RIMBP2: variants seen among roughly 807,000 people sequenced by gnomAD.
The protein encoded by RIMBP2 is RIMS binding protein 2.
RIMBP2 carries 48 observed loss-of-function variants against 118.6 expected under a neutral mutation model. The observed-to-expected ratio is 0.40, with a 90% CI of 0.32 to 0.51. The LOEUF (loss-of-function observed/expected upper bound fraction) is 0.51. Ranked by LOEUF, RIMBP2 falls within the 20% of genes least tolerant of loss-of-function variation. The pLI is 0.41. For missense variants in RIMBP2, 1,551 were observed against 1,768.3 expected (o/e 0.88, Z 2.20); for synonymous variants, 762 against 742.9 (o/e 1.03, Z -0.42).
chr12:130,609,431 G>T (rs962001868), intron 2 of RIMBP2, among the ~76,000 whole-genome samples: 7 of 150,774 alleles, frequency 4.6e-5, no homozygotes, highest in Non-Finnish European at 1.5e-5. Flanking sequence ...TGGTGATATG[G>T]TCAGAGGGAC....
chr12:130,424,766 G>C lies in RIMBP2; in HGVS notation c.2505C>G (p.Pro835=). 8.1e-7 allele frequency: 1 copy of C among 1,232,664 alleles called. No homozygotes were observed. Among genetic ancestry groups the C allele is most frequent in the Non-Finnish European group, 1.0e-6 (1 of 988,396 alleles). 76.4% of individuals were successfully genotyped at this position (1,232,664 alleles called of 1,614,324 possible). ...QPHRKRLFSI[P]EVAEEDGECC... is the part of the protein sequence containing the mutation. ...ACTCTCCGTCCTCTTCCGCTACTTC[G>C]GGGATACTGAAAAGTCTCTTCCTGT... Residue 835 remains proline, a synonymous_variant, in exon 16 of 23, where the codon CCC becomes CCG. Transcript: ENST00000690449. This position sits in a 1 kb window ranked among gnomAD's most constrained non-coding sequence, Gnocchi z 9.8.
At chr12:130,439,461 G>GTATT in intron 11 of RIMBP2, among the ~76,000 whole-genome samples, 1 of 143,558 alleles carries the variant, frequency 7.0e-6, no homozygotes, top group South Asian at 2.3e-4. Context: ...GTGTGTGGGT[G>GTATT]TGTATGTATT....
intron 17 of RIMBP2, among the ~76,000 whole-genome samples, chr12:130,421,502 C>T (rs542078650): frequency 2.6e-5 from 4 of 152,246 alleles, no homozygotes; most frequent in Non-Finnish European, 4.4e-5. Context: ...TTTATGAAGC[C>T]TTTCTTCATT....
In RIMBP2 at chr12:130,566,024, G is replaced by A. The variant is rs553375564; in HGVS notation, c.-216-48107C>T. On this transcript the variant is annotated intron_variant, in intron 2 of 22. Transcript: ENST00000690449. ...TATCAGTTCCTAACGAGAACTATGC[G>A]ATGGAACTTGTCATTGATAAAGAGG... Among the ~76,000 whole-genome samples the A allele has an allele frequency of 3.3e-5, 5 of 152,310 alleles. No homozygotes were observed. The East Asian group carries it at 5.8e-4, about 18-fold the overall frequency.
chr12:130,710,380 G>A lies in RIMBP2; in HGVS notation c.-352+5842C>T, dbSNP rs1460062970. Among the ~76,000 whole-genome samples the A allele has an allele frequency of 6.6e-6, 1 of 151,956 alleles. No homozygotes were observed. The highest frequency in any genetic ancestry group is 1.5e-5 in the Non-Finnish European group (1 of 67,988). On this transcript the variant is annotated intron_variant, in intron 1 of 22. Transcript: ENST00000690449. The surrounding 1 kb of genome is among the most constrained non-coding windows in gnomAD (Gnocchi z 4.3). ...GCACTCCATCAGGGCAGCTGTCTCT[G>A]GTGTAGTGATTATTCATTCACTTGC...
intron 4 of RIMBP2, among the ~76,000 whole-genome samples, chr12:130,491,566 G>C (rs2048643467): frequency 6.6e-6 from 1 of 152,178 alleles, no homozygotes; most frequent in Non-Finnish European, 1.5e-5. Context: ...CTGCACTTCT[G>C]GGGGGCAATC....
At position 130,475,629 on chromosome 12, in the gene RIMBP2, G is replaced by T. The variant is rs185271073; in HGVS notation, c.102+3283C>A. The stretch of plus-strand genomic sequence containing the variant: ...GGGCTCCAGGCGGGCGTCTCCAAGG[G>T]GAAAATGGAATCAGAAGCCCCCCAG... On this transcript the variant is annotated intron_variant, in intron 5 of 22. Transcript: ENST00000690449. The surrounding 1 kb of genome is among the most constrained non-coding windows in gnomAD (Gnocchi z 4.1). 2.4e-3 allele frequency among the ~76,000 whole-genome samples: 365 copies of T among 152,126 alleles called. 4 individuals are homozygous for T. The highest frequency in any genetic ancestry group is 8.0e-3 in the African/African-American group (333 of 41,480).
Position 130,688,907 on chromosome 12 carries a change from C to T in RIMBP2, c.-352+27315G>A, listed in dbSNP as rs1003039010. Among the ~76,000 whole-genome samples, 2 of 152,242 alleles carry T rather than the reference C, an allele frequency of 1.3e-5. No individual in the cohort carries two copies. The highest frequency in any genetic ancestry group is 4.8e-5 in the African/African-American group (2 of 41,466). On this transcript the variant is annotated intron_variant, in intron 1 of 22. Transcript: ENST00000690449. The surrounding 1 kb of genome is among the most constrained non-coding windows in gnomAD (Gnocchi z 4.7). ...CTGAGGCAGCCCACCCCACTCTTGC[C>T]CAGCAGAACTGGAGCGAAGGTCGGT... is the stretch of plus-strand genomic sequence containing the variant.
At chr12:130,430,715 C>T (rs1025118899) in intron 14 of RIMBP2, 2 of 146,992 alleles carry the variant, frequency 1.4e-5, no homozygotes, top group Non-Finnish European at 3.0e-5. Context: ...ACTGCAACCT[C>T]CACCTCCCAG....
At chr12:130,569,054 T>C (rs753264102) in intron 2 of RIMBP2, among the ~76,000 whole-genome samples, 2 of 150,700 alleles carry the variant, frequency 1.3e-5, no homozygotes, top group African/African-American at 2.4e-5. Flanking sequence ...TCCTCATGTA[T>C]TTTATGACTG....
chr12:130,691,891 G>A (rs757253526), intron 1 of RIMBP2, among the ~76,000 whole-genome samples: 1 of 152,188 alleles, frequency 6.6e-6, no homozygotes, highest in African/African-American at 2.4e-5. Context: ...TGGAGGCCCT[G>A]GGTGGTTAGA....
chr12:130,440,690 C>T (rs2078045643), intron 11 of RIMBP2, among the ~76,000 whole-genome samples: 1 of 152,214 alleles, frequency 6.6e-6, no homozygotes, highest in Non-Finnish European at 1.5e-5. Flanking sequence ...TCTTGATCAA[C>T]TCCGGGCAGT....
At chr12:130,548,120 A>G (rs2055355318) in intron 2 of RIMBP2, among the ~76,000 whole-genome samples, 1 of 152,074 alleles carries the variant, frequency 6.6e-6, no homozygotes, top group South Asian at 2.1e-4. Context: ...CATGAACAGG[A>G]GTGACGGAAG....
intron 11 of RIMBP2, among the ~76,000 whole-genome samples, chr12:130,439,910 AGTCTGTGGGGGT>A (rs201216794): frequency 0.025 from 2,300 of 93,278 alleles, 69 homozygotes; most frequent in African/African-American, 0.081. Context: ...TGTCTATGTG[AGTCTGTGGGGGT>A]GTCTGTGGGT....
chr12:130,637,717 T>C (rs1437347983), intron 1 of RIMBP2, among the ~76,000 whole-genome samples: 1 of 151,332 alleles, frequency 6.6e-6, no homozygotes, highest in African/African-American at 2.4e-5. Flanking sequence ...TGCGATGTCC[T>C]GGTGTAAATG....
At chr12:130,695,466 G>T (rs746481438) in intron 1 of RIMBP2, among the ~76,000 whole-genome samples, 1 of 152,216 alleles carries the variant, frequency 6.6e-6, no homozygotes, top group African/African-American at 2.4e-5. Flanking sequence ...TGAAGGCCAG[G>T]CATGCCGGCT....
intron 1 of RIMBP2, among the ~76,000 whole-genome samples, chr12:130,657,586 G>A (rs879625194): frequency 3.9e-5 from 6 of 152,208 alleles, no homozygotes; most frequent in Non-Finnish European, 5.9e-5. Flanking sequence ...CGGCACCTCC[G>A]TCCAGGGCAC....
Position 130,437,153 on chromosome 12 carries a change from G to A in RIMBP2, c.1795C>T (p.Pro599Ser), listed in dbSNP as rs147517687. ...GTAGGAGGCACCAGGAGCTCGGGGGGAACGGCAGCAACTGCAGAGTCCACG... is the reference window on the plus strand; with the variant it reads ...GTAGGAGGCACCAGGAGCTCGGGGGAAACGGCAGCAACTGCAGAGTCCACG... ...ESVDSAVAAV[P>S]PELLVPPTPH... is the part of the protein sequence containing the mutation. Residue 599 changes from proline to serine, a missense_variant, in exon 13 of 23, where the codon CCC (proline) becomes TCC (serine). Coordinates refer to ENST00000690449, the MANE Select transcript of RIMBP2 (RefSeq NM_001393629.1). 245 of 1,585,572 alleles carry A rather than the reference G, an allele frequency of 1.5e-4. No homozygotes were observed. Among genetic ancestry groups the A allele is most frequent in the Non-Finnish European group, 2.0e-4 (234 of 1,165,530 alleles).
chr12:130,439,151 ATG>A (rs1361872993), intron 11 of RIMBP2, among the ~76,000 whole-genome samples: 2 of 151,580 alleles, frequency 1.3e-5, no homozygotes, highest in Non-Finnish European at 2.9e-5. Context: ...ATATGTGTGT[ATG>A]TGTGTGTAAA....
Sources: allele counts gnomAD v4.1 joint callset (sites outside exome capture counted in the v4.1 genomes callset), GRCh38; gene constraint gnomAD v4.1.1; non-coding constraint Gnocchi (gnomAD v3.1); transcripts MANE v1.5; gene names NCBI Gene and HGNC (gene_info 2026-07-23, HGNC 2026-07-21).